C3orf62: variants seen among roughly 807,000 people sequenced by gnomAD.
The protein encoded by C3orf62 is uncharacterized protein C3orf62.
In C3orf62, 16 loss-of-function variants were observed where a neutral mutation model predicts 21.7. The observed-to-expected ratio is 0.74, with a 90% CI of 0.50 to 1.12. The LOEUF (loss-of-function observed/expected upper bound fraction) is 1.12, where lower values mean the gene tolerates loss of function less well. Ranked by LOEUF, C3orf62 falls within the 50% of genes most tolerant of loss-of-function variation. The pLI is 0.00. For missense variants in C3orf62, 310 were observed against 318.8 expected (o/e 0.97, Z 0.21); for synonymous variants, 114 against 117.0 (o/e 0.97, Z 0.17).
chr3:49,275,482 C>T (rs775815214), intron 1 of C3orf62, among the ~76,000 whole-genome samples: 35 of 148,122 alleles, frequency 2.4e-4, no homozygotes, highest in East Asian at 1.8e-3. Flanking sequence ...CTCTTTATCC[C>T]CTTCCTATGA....
At chr3:49,271,785 C>G (rs1433680641) in intron 2 of C3orf62, among the ~76,000 whole-genome samples, 1 of 151,858 alleles carries the variant, frequency 6.6e-6, no homozygotes, top group Non-Finnish European at 1.5e-5. Context: ...GGGTAATAAA[C>G]TGCTGCCCAG....
At position 49,271,294 on chromosome 3, in the gene C3orf62, A is replaced by T; in HGVS notation, c.690T>A (p.Asp230Glu). The T allele has an allele frequency of 6.2e-7, 1 of 1,614,228 alleles. No individual in the cohort carries two copies. Residue 230 changes from aspartate to glutamate, a missense_variant, in exon 3 of 3, where the codon GAT (aspartate) becomes GAA (glutamate). Transcript: ENST00000343010. ...LMDKSPQKAT[D>E]ADPGSLKQAF... ...CCTGTTTGAGGCTGCCAGGGTCAGC[A>T]TCTGTGGCCTTCTGAGGGCTCTTGT... is the stretch of plus-strand genomic sequence containing the variant.
chr3:49,270,786 G>C lies in C3orf62; in HGVS notation c.*394C>G, dbSNP rs560208865. On this transcript the variant is annotated 3_prime_UTR_variant, in exon 3 of 3. Coordinates refer to ENST00000343010, the MANE Select transcript of C3orf62 (RefSeq NM_198562.3). ...GATCCACTCGCCTTGGCCTCCCAAA[G>C]TGCTGGGATTACAGACGTGAGCCAC... The C allele has an allele frequency of 2.4e-5, 4 of 167,630 alleles. No homozygotes were observed. The highest frequency in any genetic ancestry group is 9.6e-5 in the African/African-American group (4 of 41,720). 10.4% of individuals were successfully genotyped at this position (167,630 alleles called of 1,614,324 possible).
rs59375945 is a variant in C3orf62 at position 49,275,519 on chromosome 3, G to GTTTTTTT, written c.446+901_446+907dup. Among the ~76,000 whole-genome samples, 321 of 69,292 alleles carry GTTTTTTT rather than the reference G, an allele frequency of 4.6e-3. 75 individuals carry two copies. Among genetic ancestry groups the GTTTTTTT allele is most frequent in the Middle Eastern group, 0.031 (2 of 64 alleles). 45.5% of individuals were successfully genotyped at this position (69,292 alleles called of 152,430 possible). On this transcript the variant is annotated intron_variant, in intron 1 of 2. Coordinates refer to ENST00000343010, the MANE Select transcript of C3orf62 (RefSeq NM_198562.3). ...GCAGCCAAGATGGCAGAACTTTGAA[G>GTTTTTTT]TTTTTTTTTTTTTTTTTTTTTTTTT...
At chr3:49,273,976 A>G (rs1056792939) in intron 2 of C3orf62, 73 bp downstream of exon 2, 2 of 1,050,864 alleles carry the variant, frequency 1.9e-6, no homozygotes, top group African/African-American at 3.1e-5. Flanking sequence ...TATATCTGAG[A>G]TATTTGCTGA....
chr3:49,277,021 CGGA>C lies in C3orf62; in HGVS notation c.-152_-150del, dbSNP rs1312065374. The C allele has an allele frequency of 6.8e-7, 1 of 1,460,994 alleles. No individual in the cohort carries two copies. The highest frequency in any genetic ancestry group is 9.0e-7 in the Non-Finnish European group (1 of 1,109,680). The allele number at this position is 1,460,994 out of a possible 1,614,324, so 90.5% of individuals were successfully genotyped here. ...TGGAGTAGGCGGTTCTCGGCTCTCG[CGGA>C]GGAACCCGCCATCTGCCAGAAGCCC... On this transcript the variant is annotated 5_prime_UTR_variant, in exon 1 of 3. Coordinates refer to ENST00000343010, the MANE Select transcript of C3orf62 (RefSeq NM_198562.3).
chr3:49,273,783 G>A (rs986914315), intron 2 of C3orf62, among the ~76,000 whole-genome samples: 6 of 152,026 alleles, frequency 3.9e-5, no homozygotes, highest in Admixed American at 3.3e-4. Flanking sequence ...GGCCTCCCGA[G>A]TAGCTGGGAT....
In C3orf62 at chr3:49,277,090, C is replaced by A; in HGVS notation, c.-218G>T. On this transcript the variant is annotated 5_prime_UTR_variant, in exon 1 of 3. Coordinates refer to ENST00000343010, the MANE Select transcript of C3orf62 (RefSeq NM_198562.3). ...CCACTTCCCACAGCTTCCTGGCCCG[C>A]CCCGCCGCTGCCTCCCGCCCCACCG... 1 of 1,487,252 alleles carries A rather than the reference C, an allele frequency of 6.7e-7. No individual in the cohort carries two copies. Among genetic ancestry groups the A allele is most frequent in the Middle Eastern group, 1.9e-4 (1 of 5,236 alleles). The allele number at this position is 1,487,252 out of a possible 1,614,324, so 92.1% of individuals were successfully genotyped here.
chr3:49,272,712 T>A (rs969839479), intron 2 of C3orf62, among the ~76,000 whole-genome samples: 3 of 151,732 alleles, frequency 2.0e-5, no homozygotes, highest in African/African-American at 4.8e-5. Context: ...CCACCACGCC[T>A]GGCTAATTTT....
intron 2 of C3orf62, among the ~76,000 whole-genome samples, chr3:49,273,570 T>C (rs1370713372): frequency 3.3e-5 from 5 of 151,914 alleles, no homozygotes; most frequent in Non-Finnish European, 7.4e-5. Flanking sequence ...GCTGGGATTA[T>C]GGGCACACAC....
Position 49,270,958 on chromosome 3 carries a change from T to TA in C3orf62, c.*221dup, listed in dbSNP as rs1008364578. On this transcript the variant is annotated 3_prime_UTR_variant, in exon 3 of 3. Coordinates refer to ENST00000343010, the MANE Select transcript of C3orf62 (RefSeq NM_198562.3). ...ACACATTCAAGATGTCAAGGAAAGT[T>TA]AAAAAAAAAAATCAGTAATAGGAAA... is the stretch of plus-strand genomic sequence containing the variant. 3,557 of 450,148 alleles carry TA rather than the reference T, an allele frequency of 7.9e-3. No individual in the cohort carries two copies. The highest frequency in any genetic ancestry group is 0.011 in the South Asian group (346 of 31,618). 27.9% of individuals were successfully genotyped at this position (450,148 alleles called of 1,614,324 possible).
chr3:49,274,955 G>T (rs1470980194), intron 1 of C3orf62, among the ~76,000 whole-genome samples: 1 of 151,258 alleles, frequency 6.6e-6, no homozygotes, highest in African/African-American at 2.4e-5. Context: ...GAGCAGCTGG[G>T]ATTACAGGCG....
rs763384367 is a variant in C3orf62 at position 49,274,062 on chromosome 3, C to A, written c.525G>T (p.Leu175=). 4.3e-6 allele frequency: 7 copies of A among 1,613,296 alleles called. No homozygotes were observed. The East Asian group carries it at 8.9e-5, about 21-fold the overall frequency. ...NNSSQEVTKD[L]LDMIDHTSIR... ...CACTGTACTCACCAATCATATCAAG[C>A]AGATCCTTTGTGACCTCTTGGCTAG... Residue 175 remains leucine, a synonymous_variant, in exon 2 of 3, where the codon CTG becomes CTT. Transcript: ENST00000343010.
Position 49,269,534 on chromosome 3 carries a change from T to G in C3orf62, c.*1646A>C, listed in dbSNP as rs1449972424. 6.6e-6 allele frequency: 1 copy of G among 152,262 alleles called. No individual in the cohort carries two copies. The highest frequency in any genetic ancestry group is 2.4e-5 in the African/African-American group (1 of 41,464). 9.4% of individuals were successfully genotyped at this position (152,262 alleles called of 1,614,324 possible). On this transcript the variant is annotated 3_prime_UTR_variant, in exon 3 of 3. Coordinates refer to ENST00000343010, the MANE Select transcript of C3orf62 (RefSeq NM_198562.3). The stretch of plus-strand genomic sequence containing the variant: ...GCAGTTGAGCATACTGTGAGCACTT[T>G]TCATTTGCTTCCATTCTTCTTGCTC...
Position 49,271,177 on chromosome 3 carries a change from T to C in C3orf62, c.*3A>G. On this transcript the variant is annotated 3_prime_UTR_variant, in exon 3 of 3. Transcript: ENST00000343010. Reference sequence around the variant, plus strand: ...TAAGGAATCAAAGCTTAGATAACTGTCCTTACTCAATTTGGTATTTAAAAG... The same window carrying C: ...TAAGGAATCAAAGCTTAGATAACTGCCCTTACTCAATTTGGTATTTAAAAG... The C allele has an allele frequency of 1.9e-6, 3 of 1,611,100 alleles. No homozygotes were observed. Among genetic ancestry groups the C allele is most frequent in the Non-Finnish European group, 2.5e-6 (3 of 1,177,514 alleles).
In C3orf62 at chr3:49,268,650, C is replaced by T. The variant is rs2046895432; in HGVS notation, c.*2530G>A. The T allele has an allele frequency of 6.6e-6, 1 of 152,210 alleles. No individual in the cohort carries two copies. The highest frequency in any genetic ancestry group is 2.1e-4 in the South Asian group (1 of 4,830). The allele number at this position is 152,210 out of a possible 1,614,324, so 9.4% of individuals were successfully genotyped here. On this transcript the variant is annotated 3_prime_UTR_variant, in exon 3 of 3. Transcript: ENST00000343010. Reference sequence around the variant, plus strand: ...TTATCAGTTTTTCCAATAATGTTCTCTTTCTCTTCCAGGATGCACTCCAGG... The same window carrying T: ...TTATCAGTTTTTCCAATAATGTTCTTTTTCTCTTCCAGGATGCACTCCAGG...
At position 49,277,131 on chromosome 3, in the gene C3orf62, T is replaced by C. The variant is rs2107759511; in HGVS notation, c.-259A>G. On this transcript the variant is annotated 5_prime_UTR_variant, in exon 1 of 3. Transcript: ENST00000343010. ...CGCCCCACCGCGGCTCCCAGGCCGC[T>C]GGCCCTACCGGCACCCCCCCTTTGG... is the stretch of plus-strand genomic sequence containing the variant. 2.7e-6 allele frequency: 4 copies of C among 1,463,080 alleles called. No homozygotes were observed. The highest frequency in any genetic ancestry group is 1.4e-5 in the African/African-American group (1 of 71,702). The allele number at this position is 1,463,080 out of a possible 1,614,324, so 90.6% of individuals were successfully genotyped here. A position where few individuals can be genotyped will look rare whatever the true frequency, so the allele number is the denominator to read the frequency against.
intron 1 of C3orf62, among the ~76,000 whole-genome samples, chr3:49,274,816 G>A (rs1455008277): frequency 6.9e-6 from 1 of 145,824 alleles, no homozygotes; most frequent in African/African-American, 2.6e-5. Context: ...GTGAACCACC[G>A]CGCCTGGCCT....
chr3:49,275,681 C>G (rs917287080), intron 1 of C3orf62, among the ~76,000 whole-genome samples: 1 of 151,540 alleles, frequency 6.6e-6, no homozygotes, highest in Non-Finnish European at 1.5e-5. Context: ...CAGGCGCCCG[C>G]CACCACGCCC....
Sources: allele counts gnomAD v4.1 joint callset (sites outside exome capture counted in the v4.1 genomes callset), GRCh38; gene constraint gnomAD v4.1.1; transcripts MANE v1.5; gene names NCBI Gene and HGNC (gene_info 2026-07-23, HGNC 2026-07-21).